The following ZNF521 variants were observed in gnomAD, a reference collection of about 807,000 sequenced individuals.
ZNF521 encodes the protein LYST-interacting protein 3.
ZNF521 carries 14 observed loss-of-function variants against 105.5 expected under a neutral mutation model. That is an observed-to-expected ratio of 0.13 (90% confidence interval 0.09 to 0.21). The LOEUF (loss-of-function observed/expected upper bound fraction) is 0.21. ZNF521 is among the 10% of genes least tolerant of loss of function. ZNF521 has a pLI of 1.00. For missense variants in ZNF521, 1,233 were observed against 1,629.7 expected (o/e 0.76, Z 4.19); for synonymous variants, 635 against 606.0 (o/e 1.05, Z -0.70).
chr18:25,252,762 C>T (rs1908204520), intron 3 of ZNF521, among the ~76,000 whole-genome samples: 1 of 152,148 alleles, frequency 6.6e-6, no homozygotes, highest in African/African-American at 2.4e-5. Context: ...TCTGGCCTGA[C>T]ATTCACATTA....
intron 3 of ZNF521, among the ~76,000 whole-genome samples, chr18:25,267,454 G>A (rs2144923155): frequency 6.6e-6 from 1 of 152,260 alleles, no homozygotes; most frequent in South Asian, 2.1e-4. Flanking sequence ...TCCTCAAGGG[G>A]GTCCCTGACC....
In ZNF521 at chr18:25,255,409, C is replaced by T. The variant is rs185278090; in HGVS notation, c.221-27712G>A. Among the ~76,000 whole-genome samples, 54 of 152,186 alleles carry T rather than the reference C, an allele frequency of 3.5e-4. No individual in the cohort carries two copies. The East Asian group carries it at 9.1e-3, about 26-fold the overall frequency. On this transcript the variant is annotated intron_variant, in intron 3 of 7. Coordinates refer to ENST00000361524, the MANE Select transcript of ZNF521 (RefSeq NM_015461.3). ...CAAATTTGTATAAAACTGCAACCAC[C>T]TTTCATAAAATTACCAATATAATCA...
intron 5 of ZNF521, among the ~76,000 whole-genome samples, chr18:25,110,358 GC>G (rs1453251865): frequency 2.6e-5 from 4 of 151,994 alleles, no homozygotes; most frequent in Non-Finnish European, 5.9e-5. Context: ...CTTGCATCCT[GC>G]CTGATCCAAA....
chr18:25,267,562 C>T (rs112885430), intron 3 of ZNF521, among the ~76,000 whole-genome samples: 2,403 of 152,234 alleles, frequency 0.016, 25 homozygotes, highest in South Asian at 0.035. Flanking sequence ...CCCTCTGGGA[C>T]GAAGCTTCCA....
chr18:25,343,025 T>G (rs989995250), intron 2 of ZNF521, among the ~76,000 whole-genome samples: 2 of 152,228 alleles, frequency 1.3e-5, no homozygotes, highest in African/African-American at 4.8e-5. Context: ...GAAACTCCTA[T>G]AATATGGCAA....
At position 25,220,648 on chromosome 18, in the gene ZNF521, C is replaced by T. The variant is rs182377838; in HGVS notation, c.3573+3697G>A. Reference sequence around the variant, plus strand: ...TCTGTGGCACCCTATGCACATCTCGCGACATGGAGATCATGAGGATAATGG... The same window carrying T: ...TCTGTGGCACCCTATGCACATCTCGTGACATGGAGATCATGAGGATAATGG... On this transcript the variant is annotated intron_variant, in intron 4 of 7. Transcript: ENST00000361524. 1.2e-4 allele frequency among the ~76,000 whole-genome samples: 19 copies of T among 152,196 alleles called. 1 individual carries two copies. Among genetic ancestry groups the T allele is most frequent in the African/African-American group, 7.2e-5 (3 of 41,524 alleles).
At chr18:25,090,442 CAT>C (rs2033719024) in intron 6 of ZNF521, among the ~76,000 whole-genome samples, 1 of 152,182 alleles carries the variant, frequency 6.6e-6, no homozygotes, top group Non-Finnish European at 1.5e-5. Flanking sequence ...TCTTGTGAGT[CAT>C]ACATTTTAAT....
intron 4 of ZNF521, among the ~76,000 whole-genome samples, chr18:25,200,743 G>C (rs773167864): frequency 1.3e-5 from 2 of 152,046 alleles, no homozygotes; most frequent in Non-Finnish European, 2.9e-5. Flanking sequence ...GACCAGTCTA[G>C]AGTTTATCCT....
chr18:25,184,862 A>T (rs1251986784), intron 5 of ZNF521, among the ~76,000 whole-genome samples: 2 of 152,176 alleles, frequency 1.3e-5, no homozygotes, highest in Non-Finnish European at 2.9e-5. Flanking sequence ...CCCTAAATAC[A>T]CATCTAATTA....
chr18:25,067,684 C>A (rs1409885375), intron 7 of ZNF521, among the ~76,000 whole-genome samples: 1 of 152,192 alleles, frequency 6.6e-6, no homozygotes, highest in Non-Finnish European at 1.5e-5. Flanking sequence ...TTTGCACCTA[C>A]ATCAATGATG....
chr18:25,152,765 A>T (rs892443827), intron 5 of ZNF521, among the ~76,000 whole-genome samples: 3 of 152,196 alleles, frequency 2.0e-5, no homozygotes, highest in East Asian at 1.9e-4. Flanking sequence ...TACAGGTTTA[A>T]TTTCATGAGG....
intron 5 of ZNF521, among the ~76,000 whole-genome samples, chr18:25,168,349 A>G (rs908972631): frequency 2.4e-4 from 36 of 152,284 alleles, no homozygotes; most frequent in Admixed American, 3.3e-4. Context: ...TTGGCTCCAC[A>G]TACGACAGCC....
In ZNF521 at chr18:25,233,340, T is replaced by TA. The variant is rs910815137; in HGVS notation, c.221-5644dup. On this transcript the variant is annotated intron_variant, in intron 3 of 7. Transcript: ENST00000361524. ...CTTTAATAGCTATCATGCTTCTTTT[T>TA]AAAAAAAAAAAATCAACAGCTCCAC... Among the ~76,000 whole-genome samples the TA allele has an allele frequency of 1.9e-3, 285 of 148,378 alleles. 1 individual carries two copies. The highest frequency in any genetic ancestry group is 0.011 in the East Asian group (58 of 5,108).
intron 3 of ZNF521, among the ~76,000 whole-genome samples, chr18:25,253,982 A>G (rs996451387): frequency 1.3e-5 from 2 of 152,174 alleles, no homozygotes; most frequent in East Asian, 1.9e-4. Context: ...CTTACTTGGC[A>G]TGAACAAGGT....
chr18:25,098,075 GCT>G, intron 5 of ZNF521, among the ~76,000 whole-genome samples: 1 of 134,180 alleles, frequency 7.5e-6, no homozygotes, highest in Non-Finnish European at 1.7e-5. Context: ...GATTTTAGAT[GCT>G]CTGAGATGCA....
intron 5 of ZNF521, among the ~76,000 whole-genome samples, chr18:25,185,394 A>G (rs1433085791): frequency 1.3e-5 from 2 of 152,126 alleles, no homozygotes; most frequent in African/African-American, 4.8e-5. Context: ...TGTGCATAAG[A>G]GAAAAAAATG....
intron 5 of ZNF521, among the ~76,000 whole-genome samples, chr18:25,147,173 C>T (rs2034960587): frequency 6.6e-6 from 1 of 152,074 alleles, no homozygotes; most frequent in Non-Finnish European, 1.5e-5. Flanking sequence ...AATCAGTCAA[C>T]AAATGCCAAC....
At chr18:25,318,274 A>C (rs1912749520) in intron 3 of ZNF521, among the ~76,000 whole-genome samples, 1 of 152,170 alleles carries the variant, frequency 6.6e-6, no homozygotes. Context: ...GGTAAAATGA[A>C]TCTATGGTTA....
chr18:25,200,606 C>T (rs1363930220), intron 4 of ZNF521, among the ~76,000 whole-genome samples: 1 of 152,088 alleles, frequency 6.6e-6, no homozygotes, highest in African/African-American at 2.4e-5. Context: ...TGGAGCCTCT[C>T]AGTCTATCCT....
Sources: gnomAD v4.1 joint callset for allele counts (sites outside exome capture counted in the v4.1 genomes callset) on GRCh38, gnomAD v4.1.1 for gene constraint, MANE v1.5 for transcripts, NCBI Gene and HGNC (gene_info 2026-07-23, HGNC 2026-07-21) for gene names.